Variants in SCAMP3 observed in about 807,000 individuals in gnomAD.
SCAMP3 encodes the protein secretory carrier membrane protein 3.
SCAMP3 carries 30 observed loss-of-function variants against 44.1 expected under a neutral mutation model. That is an observed-to-expected ratio of 0.68 (90% CI 0.51 to 0.92). The LOEUF is 0.92. SCAMP3 is among the 40% of genes least tolerant of loss of function. The pLI, the probability that SCAMP3 is intolerant of heterozygous loss-of-function variation, is 0.00. For synonymous variants in SCAMP3, 168 were observed against 171.1 expected (o/e 0.98, Z 0.14); for missense variants, 394 against 440.0 (o/e 0.90, Z 0.93).
intron 3 of SCAMP3, 33 bp from the exon 4 acceptor site, chr1:155,260,483 C>A (rs1672930964): frequency 6.2e-7 from 1 of 1,614,086 alleles, no homozygotes; most frequent in Non-Finnish European, 8.5e-7. Context: ...GATGTGAGCC[C>A]TGGGCCCCAG....
rs560951986 is a variant in SCAMP3, at chr1:155,256,076, G to A, written c.*197C>T. On this transcript the variant is annotated 3_prime_UTR_variant, in exon 9 of 9. Coordinates refer to ENST00000302631, the MANE Select transcript of SCAMP3 (RefSeq NM_005698.4). ...GGGTTGGGGCGTGTGAGAGGTGGCAGCAGTGTGGCCTGATGGGGGGACTAG... is the reference window on the plus strand; with the variant it reads ...GGGTTGGGGCGTGTGAGAGGTGGCAACAGTGTGGCCTGATGGGGGGACTAG... The A allele has an allele frequency of 1.7e-4, 74 of 448,270 alleles. No individual in the cohort carries two copies. The East Asian group carries it at 2.3e-3, about 14-fold the overall frequency. 27.8% of individuals were successfully genotyped at this position (448,270 alleles called of 1,614,324 possible). A position where few individuals can be genotyped will look rare whatever the true frequency, so the allele number is the denominator to read the frequency against.
rs746626454 is a variant in SCAMP3, at chr1:155,256,343, T to C, written c.974A>G (p.Asn325Ser). 2.5e-6 allele frequency: 4 copies of C among 1,608,722 alleles called. No individual in the cohort carries two copies. The highest frequency in any genetic ancestry group is 3.4e-6 in the Non-Finnish European group (4 of 1,176,544). ...QQEFAAGVFS[N>S]PAVRTAAANA... ...GGCAGCTGCGGTTCGCACCGCAGGG[T>C]TGGAGAAGACACCAGCAGCAAATTC... Residue 325 changes from asparagine (N) to serine (S), a missense_variant, in exon 9 of 9, where the codon AAC becomes AGC. Physicochemically the swap from Asn to Ser is conservative, Grantham distance 46. Transcript: ENST00000302631.
chr1:155,257,739 T>A lies in SCAMP3; in HGVS notation c.518-82A>T. ...CCCATCTATGCTCATCCTATAATATTCACCAAACATGGCAGAGTAAGGAAA... is the reference window on the plus strand; with the variant it reads ...CCCATCTATGCTCATCCTATAATATACACCAAACATGGCAGAGTAAGGAAA... On this transcript the variant is annotated intron_variant, in intron 5 of 8. Coordinates refer to ENST00000302631, the MANE Select transcript of SCAMP3 (RefSeq NM_005698.4). 3 of 1,321,278 alleles carry A rather than the reference T, an allele frequency of 2.3e-6. No homozygotes were observed. The South Asian group carries it at 3.9e-5, about 17-fold the overall frequency. The allele number at this position is 1,321,278 out of a possible 1,614,324, so 81.8% of individuals were successfully genotyped here.
intron 4 of SCAMP3, among the ~76,000 whole-genome samples, 177 bp downstream of exon 4, chr1:155,260,153 T>C (rs560161927): frequency 1.3e-5 from 2 of 152,220 alleles, no homozygotes; most frequent in Admixed American, 6.5e-5. Context: ...AGATACAGGG[T>C]TTCACCATGT....
chr1:155,256,438 G>T lies in SCAMP3; in HGVS notation c.898-19C>A, dbSNP rs1672797596. The T allele has an allele frequency of 6.4e-7, 1 of 1,563,494 alleles. No homozygotes were observed. Among genetic ancestry groups the T allele is most frequent in the Non-Finnish European group, 8.7e-7 (1 of 1,149,320 alleles). On this transcript the variant is annotated intron_variant, in intron 8 of 8. Coordinates refer to ENST00000302631, the MANE Select transcript of SCAMP3 (RefSeq NM_005698.4). ...AGTGGATCTGCAAGTAGAGGACAAA[G>T]ACATTACCGCCCATTCCAGCCACTG...
Position 155,256,676 on chromosome 1 carries a change from G to T in SCAMP3, c.895C>A (p.Arg299=), listed in dbSNP as rs565204943. 1.1e-5 allele frequency: 18 copies of T among 1,613,426 alleles called. No individual in the cohort carries two copies. Among genetic ancestry groups the T allele is most frequent in the African/African-American group, 1.1e-4 (8 of 75,038 alleles). The part of the protein sequence containing the change: ...IAVLGIVMLK[R]IHSLYRRTGA... ...CCCACCTTCGACACAGCCCTCACCC[G>T]TTTCAGCATGACAATTCCTAGCACA... The change falls in exon 8 of 9, where the codon CGG becomes AGG. Residue 299 remains arginine, a splice_region_variant and synonymous_variant. Coordinates refer to ENST00000302631, the MANE Select transcript of SCAMP3 (RefSeq NM_005698.4).
At chr1:155,259,325 C>A (rs1462009957) in intron 4 of SCAMP3, among the ~76,000 whole-genome samples, 1 of 152,062 alleles carries the variant, frequency 6.6e-6, no homozygotes, top group African/African-American at 2.4e-5. Flanking sequence ...TGGGCACATG[C>A]CACCACGCCC....
At chr1:155,257,153 C>CT in intron 7 of SCAMP3, 132 bp downstream of exon 7, 1 of 660,674 alleles carries the variant, frequency 1.5e-6, no homozygotes, top group Non-Finnish European at 2.7e-6. Flanking sequence ...GGAAGTATGT[C>CT]TTGTATCTCA....
chr1:155,260,612 G>A lies in SCAMP3; in HGVS notation c.192C>T (p.Pro64=), dbSNP rs1672934528. The A allele has an allele frequency of 4.3e-6, 7 of 1,614,106 alleles. No individual in the cohort carries two copies. The highest frequency in any genetic ancestry group is 5.9e-6 in the Non-Finnish European group (7 of 1,179,984). ...EPPAPAPLPP[P]SAPSLQPSRK... ...TCGAGGGCTGCAAGGAGGGAGCTGA[G>A]GGTGGAGGCAATGGGGCAGGGGCTG... Residue 64 remains proline, a synonymous_variant, in exon 3 of 9, where the codon CCC becomes CCT. Transcript: ENST00000302631.
At chr1:155,261,620 T>A in intron 2 of SCAMP3, 37 bp downstream of exon 2, 2 of 1,586,606 alleles carry the variant, frequency 1.3e-6, no homozygotes, top group Non-Finnish European at 1.7e-6. Context: ...GGCAAACCCT[T>A]CCCTTCCTTG....
chr1:155,260,923 T>C (rs1672943411), intron 2 of SCAMP3, among the ~76,000 whole-genome samples: 1 of 151,950 alleles, frequency 6.6e-6, no homozygotes, highest in East Asian at 1.9e-4. Flanking sequence ...TGTTTTTTTT[T>C]TTTCTTTTCT....
chr1:155,262,138 C>G lies in SCAMP3; in HGVS notation c.14G>C (p.Arg5Thr), dbSNP rs369270567. MAQS[R>T]DGGNPFAEPS... is the part of the protein sequence containing the mutation. ...CTCGGCGAACGGGTTTCCGCCGTCT[C>G]TGCTCTGAGCCATGTTTGCAACTGC... The change falls in exon 1 of 9, where the codon AGA (arginine) becomes ACA (threonine). Residue 5 changes from arginine (R) to threonine (T), a missense_variant. Transcript: ENST00000302631. 4 of 1,613,710 alleles carry G rather than the reference C, an allele frequency of 2.5e-6. No homozygotes were observed. The highest frequency in any genetic ancestry group is 3.4e-6 in the Non-Finnish European group (4 of 1,179,988).
intron 1 of SCAMP3, 161 bp downstream of exon 1, chr1:155,261,924 GC>G: frequency 1.2e-6 from 1 of 818,248 alleles, no homozygotes; most frequent in Non-Finnish European, 2.0e-6. Context: ...AAGGGGCAGG[GC>G]CCGCCCCCCA....
chr1:155,260,334 T>C lies in SCAMP3; in HGVS notation c.384A>G (p.Thr128=). 1 of 1,611,522 alleles carries C rather than the reference T, an allele frequency of 6.2e-7. No homozygotes were observed. The highest frequency in any genetic ancestry group is 8.5e-7 in the Non-Finnish European group (1 of 1,180,012). Residue 128 remains threonine, a synonymous_variant, in exon 4 of 9, where the codon ACA becomes ACG. Coordinates refer to ENST00000302631, the MANE Select transcript of SCAMP3 (RefSeq NM_005698.4). ...RELQHAALGG[T]ATRQNNWPPL... ...CTTCCCCACTCTATTACTTACTAGC[T>C]GTGCCCCCCAGGGCAGCATGCTGCA... is the stretch of plus-strand genomic sequence containing the variant.
At chr1:155,260,122 T>G (rs1376169350) in intron 4 of SCAMP3, among the ~76,000 whole-genome samples, 1 of 151,992 alleles carries the variant, frequency 6.6e-6, no homozygotes, top group Non-Finnish European at 1.5e-5. Flanking sequence ...CAGCTAATTT[T>G]TGTGTGTGTG....
chr1:155,260,657 T>TGGCTGTTGAGGAAAAGACCTTA lies in SCAMP3; in HGVS notation c.145-20_146dup (p.Pro50LysfsTer12). On this transcript the variant is annotated frameshift_variant and splice_region_variant, in exon 3 of 9. Coordinates refer to ENST00000302631, the MANE Select transcript of SCAMP3 (RefSeq NM_005698.4). LOFTEE classifies it high-confidence loss of function. ...GGGCTGGAGGCTCATAGGCTGGTGG[T>TGGCTGTTGAGGAAAAGACCTTA]GGCTGTTGAGGAAAAGACCTTAGTG... 1 of 1,607,098 alleles carries TGGCTGTTGAGGAAAAGACCTTA rather than the reference T, an allele frequency of 6.2e-7. No individual in the cohort carries two copies. The highest frequency in any genetic ancestry group is 1.3e-5 in the African/African-American group (1 of 74,756).
rs1191963183 is a variant in SCAMP3 at position 155,262,152 on chromosome 1, GT to G, written c.-2del. The G allele has an allele frequency of 5.6e-6, 9 of 1,613,368 alleles. No individual in the cohort carries two copies. The highest frequency in any genetic ancestry group is 7.6e-6 in the Non-Finnish European group (9 of 1,179,868). ...TTCCGCCGTCTCTGCTCTGAGCCAT[GT>G]TTGCAACTGCGGCCTCCGCGGCCCT... On this transcript the variant is annotated 5_prime_UTR_variant, in exon 1 of 9. Coordinates refer to ENST00000302631, the MANE Select transcript of SCAMP3 (RefSeq NM_005698.4).
At chr1:155,259,027 C>T in intron 4 of SCAMP3, 73 bp from the exon 5 acceptor site, 2 of 1,246,500 alleles carry the variant, frequency 1.6e-6, no homozygotes, top group South Asian at 1.5e-5. Flanking sequence ...TCCCCCTTCT[C>T]TCCATCCCTG....
chr1:155,257,406 G>T lies in SCAMP3; in HGVS notation c.678-20C>A. The stretch of plus-strand genomic sequence containing the variant: ...TCACTCCTACAAAGAGGAAAAAAAT[G>T]GGGAGGGTGGGAGAAGAATTAGAGC... On this transcript the variant is annotated intron_variant, in intron 6 of 8. Coordinates refer to ENST00000302631, the MANE Select transcript of SCAMP3 (RefSeq NM_005698.4). 1.2e-6 allele frequency: 2 copies of T among 1,608,782 alleles called. No homozygotes were observed. Among genetic ancestry groups the T allele is most frequent in the Non-Finnish European group, 1.7e-6 (2 of 1,176,364 alleles).
Sources: allele counts gnomAD v4.1 joint callset (sites outside exome capture counted in the v4.1 genomes callset), GRCh38; gene constraint gnomAD v4.1.1; transcripts MANE v1.5; gene names NCBI Gene and HGNC (gene_info 2026-07-23, HGNC 2026-07-21).